CHD1: variants seen among roughly 807,000 people sequenced by gnomAD.
CHD1 encodes the protein chromodomain helicase DNA binding protein 1, also known as ATP-dependent chromatin remodeler CHD1.
Under a neutral mutation model 224.2 loss-of-function variants are expected in CHD1, and 36 were observed. The observed-to-expected ratio is 0.16, with a 90% CI of 0.12 to 0.21. The LOEUF (loss-of-function observed/expected upper bound fraction) is 0.21, where lower values mean the gene tolerates loss of function less well. Ranked by LOEUF, CHD1 falls within the 10% of genes least tolerant of loss-of-function variation. The pLI, the probability that CHD1 is intolerant of heterozygous loss-of-function variation, is 1.00. For synonymous variants in CHD1, 668 were observed against 658.3 expected (o/e 1.01, Z -0.23); for missense variants, 1,378 against 1,994.8 (o/e 0.69, Z 5.89).
intron 2 of CHD1, among the ~76,000 whole-genome samples, chr5:98,910,381 G>A (rs140156653): frequency 1.3e-5 from 2 of 152,182 alleles, no homozygotes; most frequent in African/African-American, 4.8e-5. Context: ...TCAAATAACT[G>A]CTATAAAGTC....
chr5:98,869,624 A>ACGCG, intron 30 of CHD1, 130 bp downstream of exon 30: 1 of 288,348 alleles, frequency 3.5e-6, no homozygotes, highest in Admixed American at 6.7e-5. Flanking sequence ...GTGCGCGCGC[A>ACGCG]CACACACACA....
At chr5:98,903,015 C>T in intron 4 of CHD1, 51 bp from the exon 5 acceptor site, 1 of 1,141,818 alleles carries the variant, frequency 8.8e-7, no homozygotes, top group Non-Finnish European at 1.3e-6. Flanking sequence ...TAGAATTTAA[C>T]CATATTAAAT....
In CHD1 at chr5:98,901,096, AAG is replaced by A. The variant is rs773435416; in HGVS notation, c.588-16_588-15del. ...TTTGACTTAGATCTAGGAAAGTGCA[AAG>A]AGAAAAAAAAACAAGATTTGAGAAA... On this transcript the variant is annotated splice_polypyrimidine_tract_variant and intron_variant, in intron 6 of 35. Coordinates refer to ENST00000614616, the MANE Select transcript of CHD1 (RefSeq NM_001270.4). 1.1e-5 allele frequency: 18 copies of A among 1,568,818 alleles called. No individual in the cohort carries two copies. Among genetic ancestry groups the A allele is most frequent in the Non-Finnish European group, 1.4e-5 (16 of 1,164,550 alleles).
chr5:98,896,117 T>C, intron 12 of CHD1, 109 bp downstream of exon 12: 1 of 877,070 alleles, frequency 1.1e-6, no homozygotes, highest in Middle Eastern at 2.6e-4. Flanking sequence ...ATCATACCAC[T>C]GCACTCCAGC....
intron 32 of CHD1, chr5:98,860,661 A>C (rs952073856): frequency 5.1e-5 from 8 of 155,680 alleles, no homozygotes; most frequent in African/African-American, 1.9e-4. Context: ...ATATCAAATC[A>C]TCAAATTGTA....
At chr5:98,882,185 G>A in intron 19 of CHD1, 62 bp from the exon 20 acceptor site, 2 of 1,412,238 alleles carry the variant, frequency 1.4e-6, no homozygotes, top group East Asian at 2.3e-5. Flanking sequence ...CTAACCTCAA[G>A]TGCCTAAACA....
chr5:98,881,512 C>T, intron 20 of CHD1, 137 bp from the exon 21 acceptor site: 4 of 444,456 alleles, frequency 9.0e-6, no homozygotes, highest in East Asian at 3.9e-5. Flanking sequence ...TATTAGAATC[C>T]TTTTTTTTTT....
chr5:98,879,077 T>C (rs1470025207), intron 23 of CHD1, among the ~76,000 whole-genome samples: 1 of 151,958 alleles, frequency 6.6e-6, no homozygotes, highest in Non-Finnish European at 1.5e-5. Context: ...ACAAAAAGAA[T>C]ACAAAAATCA....
intron 26 of CHD1, among the ~76,000 whole-genome samples, chr5:98,873,329 G>A (rs1179545247): frequency 1.3e-5 from 2 of 152,024 alleles, no homozygotes; most frequent in African/African-American, 4.8e-5. Context: ...ATCTATGAAT[G>A]TACATATGTG....
At chr5:98,887,366 G>A (rs1295564650) in intron 17 of CHD1, among the ~76,000 whole-genome samples, 2 of 151,920 alleles carry the variant, frequency 1.3e-5, no homozygotes, top group Admixed American at 1.3e-4. Context: ...GACAAAGCAG[G>A]GATTGTGTGT....
chr5:98,918,945 C>T (rs1439726003), intron 2 of CHD1, among the ~76,000 whole-genome samples: 1 of 152,152 alleles, frequency 6.6e-6, no homozygotes, highest in Non-Finnish European at 1.5e-5. Flanking sequence ...TTTTACCTCA[C>T]TTGCATGCCC....
rs869265354 is a variant in CHD1 at position 98,883,861 on chromosome 5, A to AT, written c.2569-625dup. The AT allele has an allele frequency of 1.9e-3, 64 of 33,208 alleles. 1 individual carries two copies. Among genetic ancestry groups the AT allele is most frequent in the South Asian group, 3.1e-3 (2 of 646 alleles). The allele number at this position is 33,208 out of a possible 1,614,324, so 2.1% of individuals were successfully genotyped here. A position where few individuals can be genotyped will look rare whatever the true frequency, so the allele number is the denominator to read the frequency against. ...TATATATATATATATATATATATAT[A>AT]TTTTTTTTTTTTTTTTTTTTTTTTG... On this transcript the variant is annotated intron_variant, in intron 18 of 35. Transcript: ENST00000614616.
intron 25 of CHD1, 53 bp from the exon 26 acceptor site, chr5:98,873,776 A>G: frequency 6.5e-7 from 1 of 1,529,666 alleles, no homozygotes; most frequent in Non-Finnish European, 8.9e-7. Context: ...AAGTGGTGCC[A>G]TTTAAGATTA....
intron 26 of CHD1, among the ~76,000 whole-genome samples, chr5:98,873,284 C>T (rs1749499468): frequency 6.6e-6 from 1 of 152,050 alleles, no homozygotes; most frequent in African/African-American, 2.4e-5. Context: ...AGATACTATA[C>T]ATATTGTACT....
At chr5:98,883,862 T>TATATATATATATATATA (rs1491328767) in intron 18 of CHD1, 2 of 29,362 alleles carry the variant, frequency 6.8e-5, no homozygotes, top group African/African-American at 2.4e-4. Flanking sequence ...TATATATATA[T>TATATATATATATATATA]TTTTTTTTTT....
chr5:98,858,146 T>A, intron 35 of CHD1, 34 bp downstream of exon 35: 1 of 1,572,700 alleles, frequency 6.4e-7, no homozygotes, highest in Non-Finnish European at 8.7e-7. Flanking sequence ...AAAACATGCA[T>A]AAGCAAAATT....
intron 33 of CHD1, 101 bp downstream of exon 33, chr5:98,859,871 T>G: frequency 1.7e-6 from 1 of 591,438 alleles, no homozygotes; most frequent in Admixed American, 3.4e-5. Context: ...TTTAAATTTA[T>G]CTTATTCATT....
chr5:98,923,957 T>G (rs71636353), intron 2 of CHD1, among the ~76,000 whole-genome samples: 1 of 152,108 alleles, frequency 6.6e-6, no homozygotes, highest in East Asian at 1.9e-4. Flanking sequence ...ATTCCAACTA[T>G]GAATAAGAAA....
chr5:98,864,450 C>T (rs911547394), intron 31 of CHD1, among the ~76,000 whole-genome samples: 16 of 129,902 alleles, frequency 1.2e-4, no homozygotes, highest in Non-Finnish European at 1.7e-4. Flanking sequence ...GAGGCTGAGG[C>T]GGGAGGATCA....
Sources: allele counts gnomAD v4.1 joint callset (sites outside exome capture counted in the v4.1 genomes callset), GRCh38; gene constraint gnomAD v4.1.1; transcripts MANE v1.5; gene names NCBI Gene and HGNC (gene_info 2026-07-23, HGNC 2026-07-21).